Variants in NEK1 observed in about 807,000 individuals in gnomAD.
NEK1 encodes the protein serine/threonine-protein kinase Nek1.
A neutral mutation model predicts 182.1 loss-of-function variants in NEK1; 137 were observed. The observed-to-expected ratio is 0.75, with a 90% CI of 0.65 to 0.87. NEK1 has a LOEUF of 0.87. Ranked by LOEUF, NEK1 falls within the 40% of genes least tolerant of loss-of-function variation. NEK1 has a pLI of 0.00. For missense variants in NEK1, 1,391 were observed against 1,494.4 expected (o/e 0.93, Z 1.14); for synonymous variants, 513 against 492.2 (o/e 1.04, Z -0.56).
intron 19 of NEK1, among the ~76,000 whole-genome samples, chr4:169,521,515 C>T (rs1228496556): frequency 1.3e-5 from 2 of 152,170 alleles, no homozygotes; most frequent in Admixed American, 6.5e-5. Context: ...CCTATTCGGC[C>T]ATCTTGGTTC....
intron 19 of NEK1, among the ~76,000 whole-genome samples, chr4:169,529,567 T>C (rs887274209): frequency 1.1e-4 from 17 of 152,198 alleles, no homozygotes; most frequent in South Asian, 2.1e-4. Context: ...AACAAAAAAA[T>C]TGACAAACTG....
chr4:169,438,036 G>C, intron 28 of NEK1, 47 bp downstream of exon 28: 2 of 1,433,684 alleles, frequency 1.4e-6, no homozygotes, highest in East Asian at 2.4e-5. Flanking sequence ...TGAAATTTAA[G>C]TTTTTACTAA....
At chr4:169,450,130 A>T (rs182303878) in intron 27 of NEK1, among the ~76,000 whole-genome samples, 177 of 152,340 alleles carry the variant, frequency 1.2e-3, no homozygotes, top group African/African-American at 3.6e-3. Flanking sequence ...GTTTAGAGAA[A>T]AAAGAGTAAA....
chr4:169,577,061 C>T lies in NEK1; in HGVS notation c.887G>A (p.Gly296Glu). Residue 296 changes from glycine to glutamate, a missense_variant, in exon 12 of 36, where the codon GGA becomes GAA. By Grantham distance (98) the Gly-to-Glu change is moderately conservative. Transcript: ENST00000507142. ...AGGCATAACAGAAATCGAGTTTTGT[C>T]CTGAAGCTGGTCTTTTAGCTAGATG... The part of the protein sequence containing the change: ...QPIPAKRPAS[G>E]QNSISVMPAQ... The T allele has an allele frequency of 6.2e-7, 1 of 1,613,494 alleles. No individual in the cohort carries two copies. Among genetic ancestry groups the T allele is most frequent in the Non-Finnish European group, 8.5e-7 (1 of 1,179,694 alleles).
chr4:169,574,400 C>G (rs1210223293), intron 12 of NEK1, among the ~76,000 whole-genome samples: 1 of 152,000 alleles, frequency 6.6e-6, no homozygotes, highest in Non-Finnish European at 1.5e-5. Context: ...TCGAGACCAT[C>G]CTGGCTAACA....
At position 169,400,268 on chromosome 4, in the gene NEK1, G is replaced by A. The variant is rs1316690810; in HGVS notation, c.3804C>T (p.Ala1268=). 6.4e-7 allele frequency: 1 copy of A among 1,574,098 alleles called. No individual in the cohort carries two copies. Among genetic ancestry groups the A allele is most frequent in the Admixed American group, 1.8e-5 (1 of 54,984 alleles). Residue 1268 remains alanine, a synonymous_variant, in exon 35 of 36, where the codon GCC becomes GCT. Coordinates refer to ENST00000507142, the MANE Select transcript of NEK1 (RefSeq NM_001199397.3). ...CTGCCATGACTAAATGAAGAATCTT[G>A]GCATAAAGATGCTGATGTTCATTTC... ...ILGNEHQHLY[A]KILHLVMADG...
chr4:169,531,098 T>C (rs1757602715), intron 19 of NEK1, among the ~76,000 whole-genome samples: 1 of 151,736 alleles, frequency 6.6e-6, no homozygotes, highest in Non-Finnish European at 1.5e-5. Context: ...AAGAAAATAA[T>C]TCTATAGAAG....
In NEK1 at chr4:169,428,351, G is replaced by GATATGGATATATATATATATAT. The variant is rs1736773329; in HGVS notation, c.2886-2118_2886-2117insATATATATATATATATCCATAT. Among the ~76,000 whole-genome samples the GATATGGATATATATATATATAT allele has an allele frequency of 4.3e-5, 4 of 93,246 alleles. No individual in the cohort carries two copies. In the South Asian group the frequency reaches 1.4e-3, roughly 32 times the overall value. The allele number at this position is 93,246 out of a possible 152,430, so 61.2% of individuals were successfully genotyped here. Reference sequence around the variant, plus strand: ...ACTGATGAATTATAAAAATATATGGGATATATATATATATATATATAATGG... The same window carrying GATATGGATATATATATATATAT: ...ACTGATGAATTATAAAAATATATGGGATATGGATATATATATATATATATATATATATATATATATATAATGG... On this transcript the variant is annotated intron_variant, in intron 29 of 35. Coordinates refer to ENST00000507142, the MANE Select transcript of NEK1 (RefSeq NM_001199397.3).
intron 31 of NEK1, among the ~76,000 whole-genome samples, chr4:169,422,592 T>C (rs569651351): frequency 1.3e-5 from 2 of 152,304 alleles, no homozygotes; most frequent in South Asian, 4.1e-4. Context: ...ACAGATTATA[T>C]AAATATTTAT....
chr4:169,569,778 T>C (rs1482562986), intron 12 of NEK1, among the ~76,000 whole-genome samples: 1 of 152,000 alleles, frequency 6.6e-6, no homozygotes, highest in East Asian at 1.9e-4. Context: ...GCAGACGGAG[T>C]CTCGTTCACT....
intron 27 of NEK1, among the ~76,000 whole-genome samples, chr4:169,455,344 A>C (rs1397011853): frequency 6.6e-6 from 1 of 151,798 alleles, no homozygotes; most frequent in Admixed American, 6.6e-5. Flanking sequence ...AAAAAAGAAG[A>C]CTCAATGAAC....
intron 16 of NEK1, among the ~76,000 whole-genome samples, chr4:169,559,903 G>A (rs1262500357): frequency 1.3e-5 from 2 of 152,154 alleles, no homozygotes; most frequent in Non-Finnish European, 2.9e-5. Context: ...CAGCTACTCC[G>A]GAGGCTGAGG....
At chr4:169,579,806 G>A (rs573435315) in intron 11 of NEK1, among the ~76,000 whole-genome samples, 7 of 151,020 alleles carry the variant, frequency 4.6e-5, no homozygotes, top group Admixed American at 2.0e-4. Context: ...AAAAAAAGAC[G>A]GGCTAAATGC....
intron 18 of NEK1, among the ~76,000 whole-genome samples, chr4:169,540,245 G>GAT (rs1321783485): frequency 1.3e-5 from 2 of 152,040 alleles, no homozygotes; most frequent in Non-Finnish European, 2.9e-5. Context: ...TCTGCCAAAA[G>GAT]ATATAAAGAT....
chr4:169,548,359 C>T lies in NEK1; in HGVS notation c.1562+7361G>A, dbSNP rs181495894. Among the ~76,000 whole-genome samples the T allele has an allele frequency of 4.1e-3, 618 of 152,304 alleles. 5 individuals carry two copies. Among genetic ancestry groups the T allele is most frequent in the South Asian group, 0.031 (148 of 4,832 alleles). ...GGAAGCTTCGTCCCAAAGGGGCACC[C>T]GCCAGATGCCAGCCAGATCTCTCCT... is the stretch of plus-strand genomic sequence containing the variant. On this transcript the variant is annotated intron_variant, in intron 18 of 35. Transcript: ENST00000507142.
At chr4:169,602,387 C>T (rs1313369597) in intron 3 of NEK1, 127 bp downstream of exon 3, 4 of 635,148 alleles carry the variant, frequency 6.3e-6, no homozygotes, top group African/African-American at 3.8e-5. Flanking sequence ...CTGATATTAG[C>T]GGGAATAAAG....
chr4:169,545,672 G>C (rs1237684790), intron 18 of NEK1, among the ~76,000 whole-genome samples: 1 of 149,966 alleles, frequency 6.7e-6, no homozygotes, highest in African/African-American at 2.5e-5. Context: ...CACCAACAGT[G>C]TAAAAGTGTT....
At chr4:169,483,691 C>T (rs985163418) in intron 23 of NEK1, among the ~76,000 whole-genome samples, 1 of 151,430 alleles carries the variant, frequency 6.6e-6, no homozygotes, top group Non-Finnish European at 1.5e-5. Flanking sequence ...ATGGTGAAAC[C>T]CTCTCTCTAC....
chr4:169,585,015 C>T (rs1767294491), intron 10 of NEK1, among the ~76,000 whole-genome samples: 2 of 152,088 alleles, frequency 1.3e-5, no homozygotes, highest in Admixed American at 6.6e-5. Context: ...ATGAGACTGT[C>T]TCTAAAAAAA....
Sources: allele counts gnomAD v4.1 joint callset (sites outside exome capture counted in the v4.1 genomes callset), GRCh38; gene constraint gnomAD v4.1.1; transcripts MANE v1.5; gene names NCBI Gene and HGNC (gene_info 2026-07-23, HGNC 2026-07-21).